DENND2A: variants seen among roughly 807,000 people sequenced by gnomAD.
The protein encoded by DENND2A is DENN domain containing 2A.
A neutral mutation model predicts 105.3 loss-of-function variants in DENND2A; 53 were observed. That is an observed-to-expected ratio of 0.50 (90% CI 0.40 to 0.63). The LOEUF (loss-of-function observed/expected upper bound fraction) is 0.63. Among genes scored for constraint, DENND2A ranks in the 30% least tolerant of loss-of-function variants. DENND2A has a pLI of 0.00. For missense variants in DENND2A, 1,138 were observed against 1,279.6 expected (o/e 0.89, Z 1.69); for synonymous variants, 522 against 508.4 (o/e 1.03, Z -0.36).
chr7:140,586,369 ACACACACAC>A (rs1563160088), intron 4 of DENND2A, among the ~76,000 whole-genome samples: 4 of 38,500 alleles, frequency 1.0e-4, no homozygotes, highest in African/African-American at 8.7e-4. Context: ...AAAAGAAAAC[ACACACACAC>A]ACACACACAC....
chr7:140,544,333 A>G (rs1796803923), intron 14 of DENND2A: 4 of 509,074 alleles, frequency 7.9e-6, no homozygotes, highest in Non-Finnish European at 1.1e-5. Flanking sequence ...TAGCTGGGAT[A>G]ACAAGCGTGG....
chr7:140,538,819 T>A (rs185534287), intron 14 of DENND2A, among the ~76,000 whole-genome samples: 149 of 151,042 alleles, frequency 9.9e-4, no homozygotes, highest in Middle Eastern at 7.0e-3. Context: ...TTTTAAAAAA[T>A]TTTTTCTTTC....
chr7:140,639,472 AC>A (rs1343244311), intron 1 of DENND2A, among the ~76,000 whole-genome samples: 1 of 152,100 alleles, frequency 6.6e-6, no homozygotes, highest in East Asian at 1.9e-4. Context: ...GCACACTCAC[AC>A]ATACTTCCTC....
At chr7:140,632,169 G>A (rs981604137) in intron 1 of DENND2A, among the ~76,000 whole-genome samples, 1 of 152,122 alleles carries the variant, frequency 6.6e-6, no homozygotes, top group Admixed American at 6.6e-5. Context: ...TTATAGAAGT[G>A]TCCTGTTTTA....
Position 140,617,864 on chromosome 7 carries a change from A to G in DENND2A, c.-247-12058T>C, listed in dbSNP as rs183074473. On this transcript the variant is annotated intron_variant, in intron 1 of 19. Coordinates refer to ENST00000496613, the MANE Select transcript of DENND2A (RefSeq NM_015689.5). ...GACGTGCCGGATGCCAGAGGCAGCT[A>G]AAGATGCATATCATTCTCACTTTCA... is the stretch of plus-strand genomic sequence containing the variant. Among the ~76,000 whole-genome samples, 179 of 152,328 alleles carry G rather than the reference A, an allele frequency of 1.2e-3. 1 individual carries two copies. The highest frequency in any genetic ancestry group is 6.8e-3 in the Middle Eastern group (2 of 294).
chr7:140,625,028 A>G (rs1040617230), intron 1 of DENND2A, among the ~76,000 whole-genome samples: 5 of 151,428 alleles, frequency 3.3e-5, no homozygotes, highest in Admixed American at 3.3e-4. Flanking sequence ...CAGCCTGGAG[A>G]TTTTTTAAAA....
chr7:140,573,741 T>C, intron 6 of DENND2A, 67 bp downstream of exon 6: 1 of 1,545,352 alleles, frequency 6.5e-7, no homozygotes, highest in Non-Finnish European at 8.8e-7. Flanking sequence ...CCCAGACCCC[T>C]CTGCAGTCTT....
chr7:140,530,531 C>T (rs1332786936), intron 14 of DENND2A, among the ~76,000 whole-genome samples: 1 of 151,906 alleles, frequency 6.6e-6, no homozygotes, highest in Non-Finnish European at 1.5e-5. Flanking sequence ...AAATGATCAC[C>T]CCCAAGATGA....
At chr7:140,641,311 C>T (rs1268459445), upstream of DENND2A, 1 of 152,444 alleles carries the variant, frequency 6.6e-6, no homozygotes, top group Non-Finnish European at 1.5e-5. Context: ...GCCGAGCGCG[C>T]TGCAGAAGGG....
At chr7:140,607,872 T>G (rs1349125051) in intron 1 of DENND2A, among the ~76,000 whole-genome samples, 2 of 152,254 alleles carry the variant, frequency 1.3e-5, no homozygotes, top group African/African-American at 4.8e-5. Flanking sequence ...TCACTGGCAC[T>G]AGGACAAGGT....
At chr7:140,592,125 T>C (rs1563164385) in intron 3 of DENND2A, among the ~76,000 whole-genome samples, 1 of 148,198 alleles carries the variant, frequency 6.7e-6, no homozygotes, top group Non-Finnish European at 1.5e-5. Context: ...CTGCAGCCTC[T>C]GCCCTCTGGG....
rs1395738397 is a variant in DENND2A at position 140,559,930 on chromosome 7, T to G, written c.1780-113A>C. On this transcript the variant is annotated intron_variant, in intron 9 of 19. Transcript: ENST00000496613. This position sits in a 1 kb window ranked among gnomAD's most constrained non-coding sequence, Gnocchi z 4.1. ...CTTTCCACATTTGTGACTGCCGCCT[T>G]AGCCTCTTCCCTTGGGAAGAGCTTG... 3 of 792,446 alleles carry G rather than the reference T, an allele frequency of 3.8e-6. No individual in the cohort carries two copies. The highest frequency in any genetic ancestry group is 4.3e-6 in the Non-Finnish European group (2 of 461,896). The allele number at this position is 792,446 out of a possible 1,614,324, so 49.1% of individuals were successfully genotyped here.
chr7:140,522,245 G>A (rs1795887321), intron 17 of DENND2A, 145 bp from the exon 18 acceptor site: 4 of 1,015,522 alleles, frequency 3.9e-6, no homozygotes, highest in Non-Finnish European at 5.6e-6. Context: ...GGGTTACCCA[G>A]GTTATTAAGA....
intron 1 of DENND2A, among the ~76,000 whole-genome samples, chr7:140,615,430 G>A (rs530724383): frequency 8.5e-5 from 13 of 152,082 alleles, no homozygotes; most frequent in South Asian, 4.1e-4. Context: ...CAAAAGCACC[G>A]CACATCAAGT....
chr7:140,588,280 T>C (rs573108565), intron 3 of DENND2A, among the ~76,000 whole-genome samples: 90 of 152,272 alleles, frequency 5.9e-4, no homozygotes, highest in Non-Finnish European at 1.0e-3. Flanking sequence ...AGAATGTTCA[T>C]GCTATTATGC....
At chr7:140,536,323 C>T (rs1261777005) in intron 14 of DENND2A, among the ~76,000 whole-genome samples, 2 of 151,844 alleles carry the variant, frequency 1.3e-5, no homozygotes, top group Non-Finnish European at 2.9e-5. Context: ...CCACTGCACT[C>T]CAGCCTGGGC....
intron 14 of DENND2A, among the ~76,000 whole-genome samples, chr7:140,528,216 C>T (rs942129205): frequency 2.6e-5 from 4 of 152,140 alleles, no homozygotes; most frequent in African/African-American, 4.8e-5. Context: ...AAAACACAAA[C>T]GGTGAAAGCC....
intron 14 of DENND2A, among the ~76,000 whole-genome samples, chr7:140,542,871 T>C (rs926945312): frequency 6.6e-6 from 1 of 152,132 alleles, no homozygotes; most frequent in Non-Finnish European, 1.5e-5. Flanking sequence ...TGGCCTACTT[T>C]ACAGTCCTGA....
chr7:140,622,214 A>G (rs887958567), intron 1 of DENND2A, among the ~76,000 whole-genome samples: 1 of 151,986 alleles, frequency 6.6e-6, no homozygotes, highest in African/African-American at 2.4e-5. Context: ...CCTGGCCAAC[A>G]TGGTGAAACC....
Sources: allele counts gnomAD v4.1 joint callset (sites outside exome capture counted in the v4.1 genomes callset), GRCh38; gene constraint gnomAD v4.1.1; non-coding constraint Gnocchi (gnomAD v3.1); transcripts MANE v1.5; gene names NCBI Gene and HGNC (gene_info 2026-07-23, HGNC 2026-07-21).